EML1: variants seen among roughly 807,000 people sequenced by gnomAD.
EML1 encodes EMAP like 1, also known as echinoderm microtubule-associated protein-like 1.
Under a neutral mutation model 110.4 loss-of-function variants are expected in EML1, and 27 were observed. The ratio of observed to expected loss-of-function variants is 0.24; its 90% CI spans 0.18 to 0.34. The LOEUF (loss-of-function observed/expected upper bound fraction) is 0.34. EML1 is among the 10% of genes least tolerant of loss of function. EML1 has a pLI of 1.00. For missense variants in EML1, 741 were observed against 1,030.9 expected, an observed-to-expected ratio of 0.72 and a Z score of 3.85; for synonymous variants, 344 against 385.8, an observed-to-expected ratio of 0.89 and a Z score of 1.27.
chr14:99,758,279 G>A (rs975107281), intron 1 of EML1, among the ~76,000 whole-genome samples: 3 of 152,224 alleles, frequency 2.0e-5, no homozygotes, highest in African/African-American at 7.2e-5. Flanking sequence ...AGGGCCAGGA[G>A]GACAACCTGC....
intron 1 of EML1, among the ~76,000 whole-genome samples, chr14:99,842,572 C>G (rs1382891560): frequency 1.3e-5 from 2 of 152,172 alleles, no homozygotes; most frequent in Non-Finnish European, 2.9e-5. Context: ...CTAAGCAGAT[C>G]TGACATTTCA....
chr14:99,849,535 A>ATTTATT (rs1555395786), intron 1 of EML1, among the ~76,000 whole-genome samples: 1 of 140,222 alleles, frequency 7.1e-6, no homozygotes, highest in African/African-American at 2.6e-5. Context: ...GTGTGTATAT[A>ATTTATT]TATTTATTTA....
chr14:99,868,840 G>A (rs182972161), intron 3 of EML1, among the ~76,000 whole-genome samples: 64 of 150,532 alleles, frequency 4.3e-4, no homozygotes, highest in African/African-American at 1.4e-3. Context: ...TATTTCCTTC[G>A]CTCTGCCAAC....
At chr14:99,765,191 T>A (rs1309743807) in intron 1 of EML1, among the ~76,000 whole-genome samples, 1 of 152,144 alleles carries the variant, frequency 6.6e-6, no homozygotes, top group Admixed American at 6.5e-5. Flanking sequence ...TCCTCCAGTC[T>A]CGGCCTCCCA....
intron 2 of EML1, among the ~76,000 whole-genome samples, chr14:99,856,589 T>C (rs2058906069): frequency 6.6e-6 from 1 of 152,196 alleles, no homozygotes; most frequent in South Asian, 2.1e-4. Context: ...ATTGGCAAAT[T>C]ACAGAAAAAA....
Position 99,932,797 on chromosome 14 carries a change from G to A in EML1, c.1910-3232G>A, listed in dbSNP as rs781109182. On this transcript the variant is annotated intron_variant, in intron 17 of 21. Transcript: ENST00000262233. ...GACTTTTTTCCTTAAATAGCCAATT[G>A]CGTTAAACCTGTTTGTTAAATAACA... Among the ~76,000 whole-genome samples, 14 of 151,870 alleles carry A rather than the reference G, an allele frequency of 9.2e-5. No homozygotes were observed. The East Asian group carries it at 1.4e-3, about 15-fold the overall frequency.
chr14:99,909,937 G>A (rs1364423407), intron 11 of EML1, among the ~76,000 whole-genome samples: 1 of 152,140 alleles, frequency 6.6e-6, no homozygotes, highest in Non-Finnish European at 1.5e-5. Context: ...CCTTTAGGCT[G>A]ACAGCATAGC....
chr14:99,847,737 T>C (rs1169358803), intron 1 of EML1, among the ~76,000 whole-genome samples: 2 of 152,210 alleles, frequency 1.3e-5, no homozygotes, highest in Non-Finnish European at 2.9e-5. Flanking sequence ...TAATTGACCC[T>C]TTTTTCATTA....
intron 1 of EML1, among the ~76,000 whole-genome samples, chr14:99,796,266 AG>A (rs2057773321): frequency 6.6e-6 from 1 of 150,580 alleles, no homozygotes; most frequent in African/African-American, 2.4e-5. Context: ...GAAAGAGAAA[AG>A]TTTGTTCTAA....
At chr14:99,917,738 G>A in intron 15 of EML1, 44 bp from the exon 16 acceptor site, 21 of 1,597,790 alleles carry the variant, frequency 1.3e-5, no homozygotes, top group Non-Finnish European at 1.6e-5. Context: ...ATGCTATAGT[G>A]TTCTATCTGT....
intron 2 of EML1, among the ~76,000 whole-genome samples, chr14:99,854,671 C>T (rs1040095029): frequency 1.3e-5 from 2 of 152,180 alleles, no homozygotes; most frequent in East Asian, 1.9e-4. Context: ...TATCACACAC[C>T]TTCACTGTGG....
chr14:99,755,906 C>T (rs1013482604), intron 1 of EML1, among the ~76,000 whole-genome samples: 2 of 152,102 alleles, frequency 1.3e-5, no homozygotes, highest in Admixed American at 6.5e-5. Context: ...CAGGGTAGCA[C>T]AGGGCTACTT....
intron 2 of EML1, among the ~76,000 whole-genome samples, chr14:99,864,751 G>T (rs1437603190): frequency 6.6e-6 from 1 of 150,920 alleles, no homozygotes; most frequent in Non-Finnish European, 1.5e-5. Context: ...GACCGAGTTG[G>T]CTGAGATTGT....
chr14:99,910,222 T>A lies in EML1; in HGVS notation c.1240-20T>A. ...TGTATGGATTAAATATATATATAAT[T>A]TTTTTACTACATTCTACAGAAACAA... On this transcript the variant is annotated intron_variant, in intron 11 of 21. Coordinates refer to ENST00000262233, the MANE Select transcript of EML1 (RefSeq NM_004434.3). The A allele has an allele frequency of 6.5e-7, 1 of 1,535,164 alleles. No homozygotes were observed. The highest frequency in any genetic ancestry group is 8.9e-7 in the Non-Finnish European group (1 of 1,128,248).
intron 1 of EML1, among the ~76,000 whole-genome samples, chr14:99,807,459 T>A (rs1352246320): frequency 6.6e-6 from 1 of 152,100 alleles, no homozygotes; most frequent in Non-Finnish European, 1.5e-5. Flanking sequence ...GTCACTGTTG[T>A]GAAGGTTGGT....
chr14:99,861,839 A>G (rs1320871796), intron 2 of EML1, among the ~76,000 whole-genome samples: 1 of 152,192 alleles, frequency 6.6e-6, no homozygotes, highest in Admixed American at 6.5e-5. Context: ...TTTCTAGAAA[A>G]GTTGTAAGCA....
intron 1 of EML1, among the ~76,000 whole-genome samples, chr14:99,782,804 G>A (rs1409446008): frequency 2.6e-5 from 4 of 152,110 alleles, no homozygotes; most frequent in African/African-American, 9.7e-5. Context: ...AGGGGAGTAG[G>A]CAAGCCTCAG....
intron 1 of EML1, among the ~76,000 whole-genome samples, chr14:99,826,925 C>T (rs192244496): frequency 1.6e-3 from 248 of 152,276 alleles, no homozygotes; most frequent in South Asian, 6.2e-3. Context: ...GGATGGAGCT[C>T]AGCACATGGA....
chr14:99,919,232 T>C (rs940853845), intron 16 of EML1, among the ~76,000 whole-genome samples: 1 of 152,088 alleles, frequency 6.6e-6, no homozygotes, highest in African/African-American at 2.4e-5. Flanking sequence ...ATATTTTTCC[T>C]CCCACCCTTC....
Sources: allele counts gnomAD v4.1 joint callset (sites outside exome capture counted in the v4.1 genomes callset), GRCh38; gene constraint gnomAD v4.1.1; transcripts MANE v1.5; gene names NCBI Gene and HGNC (gene_info 2026-07-23, HGNC 2026-07-21).